Variants in PVT1 observed in about 807,000 individuals in gnomAD.
PVT1 encodes the protein CXCR4/PVT1 fusion.
At chr8:127,983,549 GATCATC>G (rs1816908647) in intron 3 of PVT1, among the ~76,000 whole-genome samples, 1 of 152,040 alleles carries the variant, frequency 6.6e-6, no homozygotes, top group African/African-American at 2.4e-5. Flanking sequence ...TGCACACCCA[GATCATC>G]AGTTGTTAAC....
chr8:128,027,142 G>A (rs1328191842), intron 4 of PVT1, among the ~76,000 whole-genome samples: 1 of 152,174 alleles, frequency 6.6e-6, no homozygotes, highest in Non-Finnish European at 1.5e-5. Context: ...CTTTGGTGCT[G>A]GCTTGAAGTT....
intron 4 of PVT1, among the ~76,000 whole-genome samples, chr8:128,042,842 C>A (rs1813562603): frequency 6.6e-6 from 1 of 151,938 alleles, no homozygotes. Flanking sequence ...TGGCTCACTG[C>A]AACCTCTGCC....
intron 2 of PVT1, among the ~76,000 whole-genome samples, chr8:127,867,052 C>T (rs1445867922): frequency 6.6e-6 from 1 of 152,248 alleles, no homozygotes. Flanking sequence ...AATGGTGAAG[C>T]TCTACCAAGT....
At chr8:127,875,923 A>T (rs1236043900) in intron 2 of PVT1, among the ~76,000 whole-genome samples, 3 of 152,136 alleles carry the variant, frequency 2.0e-5, no homozygotes, top group Admixed American at 2.0e-4. Flanking sequence ...TGCTGGAAAG[A>T]GATTGATTGC....
At chr8:127,976,119 A>G (rs1034741466) in intron 3 of PVT1, among the ~76,000 whole-genome samples, 1 of 152,174 alleles carries the variant, frequency 6.6e-6, no homozygotes, top group African/African-American at 2.4e-5. Flanking sequence ...CCCACATTCA[A>G]CTCAGGGGGA....
intron 3 of PVT1, among the ~76,000 whole-genome samples, chr8:127,895,344 G>A (rs774380674): frequency 3.3e-5 from 5 of 152,026 alleles, no homozygotes; most frequent in African/African-American, 7.2e-5. Flanking sequence ...GGTGGCATGC[G>A]CCTGTAATCC....
chr8:127,864,564 T>G (rs1187992137), intron 2 of PVT1, among the ~76,000 whole-genome samples: 1 of 152,162 alleles, frequency 6.6e-6, no homozygotes, highest in Non-Finnish European at 1.5e-5. Context: ...TCTTTTTTTT[T>G]TGAGACAGAG....
At chr8:127,979,883 G>A (rs1239230654) in intron 3 of PVT1, among the ~76,000 whole-genome samples, 3 of 144,388 alleles carry the variant, frequency 2.1e-5, no homozygotes, top group Non-Finnish European at 4.7e-5. Context: ...TTGTTGTGGT[G>A]GTGGTTTGTT....
intron 3 of PVT1, among the ~76,000 whole-genome samples, chr8:127,902,903 G>A (rs536415520): frequency 6.6e-6 from 1 of 152,280 alleles, no homozygotes; most frequent in Admixed American, 6.5e-5. Context: ...ACACATGGGT[G>A]CGTGTGTACT....
intron 2 of PVT1, among the ~76,000 whole-genome samples, chr8:127,884,269 C>T (rs1815500585): frequency 6.6e-6 from 1 of 152,192 alleles, no homozygotes; most frequent in South Asian, 2.1e-4. Context: ...TTCTTTCACT[C>T]AAAATTATGT....
At position 127,871,835 on chromosome 8, in the gene PVT1, TC is replaced by T. The variant is rs377417698; in HGVS notation, n.373-18751del. Reference sequence around the variant, plus strand: ...TGAGCGCAGTGGCTCACGCCTGTAATCCCAGCATTTTGGGAGGCCAAGGCAG... The same window carrying T: ...TGAGCGCAGTGGCTCACGCCTGTAATCCAGCATTTTGGGAGGCCAAGGCAG... On this transcript the variant is annotated intron_variant and non_coding_transcript_variant, in intron 2 of 10. Transcript: ENST00000651587. Among the ~76,000 whole-genome samples the T allele has an allele frequency of 3.0e-4, 46 of 152,326 alleles. No homozygotes were observed. The East Asian group carries it at 8.5e-3, about 28-fold the overall frequency.
Position 128,058,378 on chromosome 8 carries a change from ATGTGTGTGTGTGTGTGTGTG to A in PVT1, n.913-11768_913-11749del, listed in dbSNP as rs3041914. 7.9e-3 allele frequency among the ~76,000 whole-genome samples: 1,166 copies of A among 146,678 alleles called. 29 individuals are homozygous for A. Among genetic ancestry groups the A allele is most frequent in the East Asian group, 0.064 (322 of 5,004 alleles). ...TGTAACTAATTAAACAAACTGATGC[ATGTGTGTGTGTGTGTGTGTG>A]TGTGTGTGTGTGTATAGTTGTATGG... On this transcript the variant is annotated intron_variant and non_coding_transcript_variant, in intron 4 of 10. Coordinates refer to ENST00000651587, the Ensembl canonical transcript of PVT1.
At chr8:128,086,268 A>C (rs1284697280) in intron 5 of PVT1, among the ~76,000 whole-genome samples, 1 of 152,214 alleles carries the variant, frequency 6.6e-6, no homozygotes, top group Non-Finnish European at 1.5e-5. Context: ...GGCAGTGGGC[A>C]AAAGGATGAC....
At chr8:127,857,665 G>A (rs979140814) in intron 2 of PVT1, among the ~76,000 whole-genome samples, 3 of 152,180 alleles carry the variant, frequency 2.0e-5, no homozygotes, top group Non-Finnish European at 4.4e-5. Context: ...AGGCCACAGA[G>A]TGAGACTGCC....
At chr8:128,082,582 GTCAGAC>G (rs1321175699) in intron 5 of PVT1, among the ~76,000 whole-genome samples, 5 of 152,332 alleles carry the variant, frequency 3.3e-5, no homozygotes, top group Middle Eastern at 3.4e-3. Context: ...TCTCAGGGAA[GTCAGAC>G]TCTTATCCCA....
intron 2 of PVT1, among the ~76,000 whole-genome samples, chr8:127,825,835 T>A (rs886651168): frequency 2.0e-5 from 3 of 152,024 alleles, no homozygotes; most frequent in Non-Finnish European, 4.4e-5. Flanking sequence ...TGCATTTGTA[T>A]CCTCTTTATT....
chr8:128,078,871 G>A (rs745321848), intron 5 of PVT1, among the ~76,000 whole-genome samples: 1 of 152,022 alleles, frequency 6.6e-6, no homozygotes, highest in Non-Finnish European at 1.5e-5. Flanking sequence ...CTGCAGCCTC[G>A]ACGTCCTGGG....
intron 4 of PVT1, among the ~76,000 whole-genome samples, chr8:128,054,318 T>TC (rs34789455): frequency 0.035 from 5,280 of 152,034 alleles, 187 homozygotes; most frequent in East Asian, 0.19. Context: ...TAGATTTTTT[T>TC]CCCACAGTTG....
chr8:127,976,901 G>C (rs1171847721), intron 3 of PVT1, among the ~76,000 whole-genome samples: 1 of 152,088 alleles, frequency 6.6e-6, no homozygotes, highest in Non-Finnish European at 1.5e-5. Context: ...CAGCATCCCA[G>C]CCTTCCCTGG....
Sources: gnomAD v4.1 joint callset for allele counts (sites outside exome capture counted in the v4.1 genomes callset) on GRCh38, gnomAD v4.1.1 for gene constraint, MANE v1.5 for transcripts, NCBI Gene and HGNC (gene_info 2026-07-23, HGNC 2026-07-21) for gene names.